Variants in ATP2B2 observed in about 807,000 individuals in gnomAD.
ATP2B2 encodes ATPase plasma membrane Ca2+ transporting 2, also known as plasma membrane calcium-transporting ATPase 2.
A neutral mutation model predicts 120.0 loss-of-function variants in ATP2B2; 15 were observed. The observed-to-expected ratio is 0.12, with a 90% CI of 0.08 to 0.19. The LOEUF is 0.19. ATP2B2 is among the 10% of genes least tolerant of loss of function. The pLI, the probability that ATP2B2 is intolerant of heterozygous loss-of-function variation, is 1.00. For synonymous variants in ATP2B2, 694 were observed against 700.3 expected, an observed-to-expected ratio of 0.99 and a Z score of 0.14; for missense variants, 1,045 against 1,719.8, an observed-to-expected ratio of 0.61 and a Z score of 6.94.
Position 10,683,760 on chromosome 3 carries a change from G to GTGTGTGTGTGTATA in ATP2B2, c.-460+24154_-460+24155insTATACACACACACA, listed in dbSNP as rs1446781892. Among the ~76,000 whole-genome samples, 18 of 53,908 alleles carry GTGTGTGTGTGTATA rather than the reference G, an allele frequency of 3.3e-4. No individual in the cohort carries two copies. In the South Asian group the frequency reaches 5.7e-3, roughly 17 times the overall value. The allele number at this position is 53,908 out of a possible 152,430, so 35.4% of individuals were successfully genotyped here. Reference sequence around the variant, plus strand: ...TATGTGTATATATATGTGTGTGTGTGTATATATATATATATATATATATAT... The same window carrying GTGTGTGTGTGTATA: ...TATGTGTATATATATGTGTGTGTGTGTGTGTGTGTGTATATATATATATATATATATATATATAT... On this transcript the variant is annotated intron_variant, in intron 1 of 21. Transcript: ENST00000646379.
At chr3:10,537,580 T>C (rs1033128727) in intron 2 of ATP2B2, among the ~76,000 whole-genome samples, 4 of 152,184 alleles carry the variant, frequency 2.6e-5, no homozygotes, top group Non-Finnish European at 5.9e-5. Flanking sequence ...CTAGGAGGTT[T>C]GTGTTTTTAG....
At position 10,328,559 on chromosome 3, in the gene ATP2B2, T is replaced by G; in HGVS notation, c.*255A>C. 1 of 465,716 alleles carries G rather than the reference T, an allele frequency of 2.1e-6. No homozygotes were observed. The highest frequency in any genetic ancestry group is 3.8e-6 in the Non-Finnish European group (1 of 261,844). The allele number at this position is 465,716 out of a possible 1,614,324, so 28.8% of individuals were successfully genotyped here. A position where few individuals can be genotyped will look rare whatever the true frequency, so the allele number is the denominator to read the frequency against. On this transcript the variant is annotated 3_prime_UTR_variant, in exon 23 of 23. Transcript: ENST00000360273. ...TGGGTGGGAGCCAGGAAGGGCTTGT[T>G]TTGGGAAAACCGCTCACTCCCGTAA... is the stretch of plus-strand genomic sequence containing the variant.
intron 1 of ATP2B2, among the ~76,000 whole-genome samples, chr3:10,471,815 AAT>A (rs1213029857): frequency 1.3e-5 from 2 of 152,144 alleles, no homozygotes; most frequent in Non-Finnish European, 2.9e-5. Flanking sequence ...CTTTTAAAAA[AAT>A]AGATACTAAT....
rs943156198 is a variant in ATP2B2, at chr3:10,345,276, T to C, written c.2703+108A>G. The C allele has an allele frequency of 7.1e-5, 92 of 1,303,784 alleles. No individual in the cohort carries two copies. The Admixed American group carries it at 1.9e-3, about 26-fold the overall frequency. The allele number at this position is 1,303,784 out of a possible 1,614,324, so 80.8% of individuals were successfully genotyped here. On this transcript the variant is annotated intron_variant, in intron 18 of 22. Transcript: ENST00000360273. ...AGGTGCTCCATCGATGGGTGCCTCA[T>C]CCCCGGCTGTTCTGACAGGGACAAC...
chr3:10,386,153 C>T (rs952318462), intron 7 of ATP2B2, among the ~76,000 whole-genome samples: 1 of 152,138 alleles, frequency 6.6e-6, no homozygotes, highest in African/African-American at 2.4e-5. Flanking sequence ...GTGGGGAGAG[C>T]AGGGCCTGAG....
At chr3:10,584,684 T>A (rs915691736) in intron 2 of ATP2B2, among the ~76,000 whole-genome samples, 2 of 152,136 alleles carry the variant, frequency 1.3e-5, no homozygotes, top group Non-Finnish European at 2.9e-5. Flanking sequence ...CTTAACTCCT[T>A]AATTATTTTC....
At chr3:10,430,842 T>C (rs2063293130) in intron 2 of ATP2B2, among the ~76,000 whole-genome samples, 1 of 150,996 alleles carries the variant, frequency 6.6e-6, no homozygotes, top group African/African-American at 2.4e-5. Context: ...TTGGCCACAG[T>C]TCTGTGACCC....
intron 2 of ATP2B2, among the ~76,000 whole-genome samples, chr3:10,593,412 G>A (rs578148635): frequency 6.6e-6 from 1 of 152,206 alleles, no homozygotes; most frequent in African/African-American, 2.4e-5. Flanking sequence ...CAATACCCCG[G>A]CCTAGAACAG....
At chr3:10,490,940 G>A (rs1323827089) in intron 1 of ATP2B2, among the ~76,000 whole-genome samples, 1 of 152,224 alleles carries the variant, frequency 6.6e-6, no homozygotes, top group Non-Finnish European at 1.5e-5. Flanking sequence ...TCAGCTTTGT[G>A]TTGTTTGCTA....
intron 1 of ATP2B2, among the ~76,000 whole-genome samples, chr3:10,500,853 A>G (rs1000612858): frequency 2.0e-5 from 3 of 152,230 alleles, no homozygotes; most frequent in African/African-American, 7.2e-5. Flanking sequence ...TCTCCTTGCT[A>G]CTTCCTGAGA....
intron 2 of ATP2B2, among the ~76,000 whole-genome samples, chr3:10,436,407 C>T (rs34858): frequency 0.58 from 87,577 of 152,052 alleles, 25,898 homozygotes; most frequent in East Asian, 0.96. Context: ...AATGATGTCA[C>T]GTGGGTAACG....
intron 1 of ATP2B2, among the ~76,000 whole-genome samples, chr3:10,646,007 G>T (rs2070312411): frequency 6.6e-6 from 1 of 152,180 alleles, no homozygotes; most frequent in African/African-American, 2.4e-5. Context: ...GACACATGCA[G>T]CCTGGCTAGT....
At chr3:10,644,232 C>G (rs919460908) in intron 1 of ATP2B2, among the ~76,000 whole-genome samples, 13 of 152,162 alleles carry the variant, frequency 8.5e-5, no homozygotes, top group African/African-American at 3.1e-4. Context: ...AGATCACACC[C>G]ACTAGAGTGG....
intron 2 of ATP2B2, among the ~76,000 whole-genome samples, chr3:10,574,729 G>C (rs1293715736): frequency 6.6e-6 from 1 of 152,158 alleles, no homozygotes; most frequent in Non-Finnish European, 1.5e-5. Context: ...ATTAGATCAT[G>C]AGTGTAAGGA....
chr3:10,349,508 G>T (rs1219788974), intron 16 of ATP2B2, among the ~76,000 whole-genome samples: 1 of 152,034 alleles, frequency 6.6e-6, no homozygotes, highest in African/African-American at 2.4e-5. Flanking sequence ...TGGCCACCTA[G>T]GCTCAGCAAG....
chr3:10,669,735 G>T (rs2071044440), intron 1 of ATP2B2, among the ~76,000 whole-genome samples: 1 of 152,154 alleles, frequency 6.6e-6, no homozygotes, highest in Admixed American at 6.5e-5. Flanking sequence ...AGCCCTGGAG[G>T]TGAGTCCTCA....
chr3:10,532,037 T>A (rs2067220288), intron 3 of ATP2B2, among the ~76,000 whole-genome samples: 1 of 151,280 alleles, frequency 6.6e-6, no homozygotes, highest in Non-Finnish European at 1.5e-5. Context: ...CCCTTTCTGA[T>A]GTGCCCCTCA....
chr3:10,393,505 G>A (rs1326000747), intron 5 of ATP2B2, among the ~76,000 whole-genome samples: 1 of 152,202 alleles, frequency 6.6e-6, no homozygotes, highest in East Asian at 1.9e-4. Flanking sequence ...AGCTCAGGGG[G>A]TCACCTCTGC....
intron 5 of ATP2B2, among the ~76,000 whole-genome samples, chr3:10,400,155 C>T (rs2062171054): frequency 6.6e-6 from 1 of 152,262 alleles, no homozygotes; most frequent in East Asian, 1.9e-4. Context: ...AGGGTTTCCC[C>T]ACCTCTTCTC....
Sources: allele counts gnomAD v4.1 joint callset (sites outside exome capture counted in the v4.1 genomes callset), GRCh38; gene constraint gnomAD v4.1.1; transcripts MANE v1.5; gene names NCBI Gene and HGNC (gene_info 2026-07-23, HGNC 2026-07-21).